EVC: variants seen among roughly 807,000 people sequenced by gnomAD.
The protein encoded by EVC is EvC ciliary complex subunit 1.
A neutral mutation model predicts 118.9 loss-of-function variants in EVC; 116 were observed. That is an observed-to-expected ratio of 0.98 (90% confidence interval 0.84 to 1.14). The LOEUF (loss-of-function observed/expected upper bound fraction) is 1.14, where lower values mean the gene tolerates loss of function less well. EVC is among the 50% of genes most tolerant of loss of function. EVC has a pLI of 0.00. For missense variants in EVC, 1,401 were observed against 1,246.4 expected (o/e 1.12, Z -1.87); for synonymous variants, 619 against 534.7 (o/e 1.16, Z -2.18).
In EVC at chr4:5,789,049, T is replaced by C. The variant is rs534342767; in HGVS notation, c.1777-4559T>C. Among the ~76,000 whole-genome samples the C allele has an allele frequency of 2.0e-5, 3 of 152,334 alleles. No individual in the cohort carries two copies. In the South Asian group the frequency reaches 6.2e-4, roughly 32 times the overall value. ...AATTTTTAGGATACATATTTAAAAA[T>C]ATTTTAACATCCCTGAAATCAAGAT... On this transcript the variant is annotated intron_variant, in intron 12 of 20. Transcript: ENST00000264956. This position sits in a 1 kb window ranked among gnomAD's most constrained non-coding sequence, Gnocchi z 4.3.
chr4:5,748,051 G>C, intron 7 of EVC, 97 bp from the exon 8 acceptor site: 2 of 1,298,804 alleles, frequency 1.5e-6, no homozygotes, highest in Non-Finnish European at 2.2e-6. Context: ...ATCTTTGTTT[G>C]TGATAGGGAG....
At chr4:5,800,789 A>AG (rs768613296) in intron 15 of EVC, among the ~76,000 whole-genome samples, 13 of 152,188 alleles carry the variant, frequency 8.5e-5, no homozygotes, top group Non-Finnish European at 1.6e-4. Context: ...CTCGGGAGTT[A>AG]GAAGACCAGC....
Position 5,809,604 on chromosome 4 carries a change from G to C in EVC, c.2775G>C (p.Gly925=), listed in dbSNP as rs747433971. Residue 925 remains glycine (G), a synonymous_variant, in exon 19 of 21, where the codon GGG becomes GGC. Transcript: ENST00000264956. The part of the protein sequence containing the change: ...AESKLLPAKR[G]LLEKPLRTKR... ...GCAAACTGTTGCCTGCTAAGCGTGG[G>C]CTGCTAGGTGAGTCACAGATGCTTG... 8.1e-6 allele frequency: 13 copies of C among 1,613,988 alleles called. No homozygotes were observed. In the African/African-American group the frequency reaches 1.2e-4, roughly 15 times the overall value.
chr4:5,724,392 C>T (rs1448911831), intron 2 of EVC, among the ~76,000 whole-genome samples: 2 of 152,186 alleles, frequency 1.3e-5, no homozygotes, highest in Non-Finnish European at 2.9e-5. Context: ...TTTCTGAACA[C>T]GGTGAAGCCA....
the EVC span, chr4:5,825,119 C>T: frequency 9.1e-4 from 899 of 985,292 alleles, 3 homozygotes; most frequent in Non-Finnish European, 1.0e-3. This position sits in a 1 kb window ranked among gnomAD's most constrained non-coding sequence, Gnocchi z 4.4. Flanking sequence ...TTACACAGAG[C>T]ACATGCCCTG....
intron 11 of EVC, among the ~76,000 whole-genome samples, chr4:5,782,289 G>A (rs576053263): frequency 6.6e-6 from 1 of 151,402 alleles, no homozygotes; most frequent in African/African-American, 2.4e-5. Flanking sequence ...TGGCCAGGCT[G>A]GTCTCCAACT....
At chr4:5,817,428 G>A (rs570846491), downstream of EVC, among the ~76,000 whole-genome samples, 28 of 152,330 alleles carry the variant, frequency 1.8e-4, no homozygotes, top group Admixed American at 8.5e-4. Context: ...GACTCTGGAC[G>A]CACAGCCATG....
chr4:5,716,259 G>T (rs558921783), intron 1 of EVC, among the ~76,000 whole-genome samples: 1 of 152,382 alleles, frequency 6.6e-6, no homozygotes, highest in East Asian at 1.9e-4. Context: ...CAGGAAAGCA[G>T]AAGTTACAGG....
chr4:5,762,140 G>C (rs998809237), intron 11 of EVC, among the ~76,000 whole-genome samples: 1 of 134,996 alleles, frequency 7.4e-6, no homozygotes, highest in Non-Finnish European at 1.6e-5. Flanking sequence ...CTATGAGTGA[G>C]AATATGCGGT....
intron 2 of EVC, among the ~76,000 whole-genome samples, chr4:5,723,535 G>A (rs1192340949): frequency 6.6e-6 from 1 of 152,078 alleles, no homozygotes; most frequent in Non-Finnish European, 1.5e-5. Flanking sequence ...CCCCCTTGAA[G>A]GTCAACTCCT....
At position 5,783,688 on chromosome 4, in the gene EVC, G is replaced by A. The variant is rs1468759490; in HGVS notation, c.1700G>A (p.Trp567Ter). 1 of 1,614,022 alleles carries A rather than the reference G, an allele frequency of 6.2e-7. No homozygotes were observed. The highest frequency in any genetic ancestry group is 1.1e-5 in the South Asian group (1 of 91,058). ...CAGGAAGTCCAGGAGAACGCTGCCTGGCAGCTGGGGAAGTCAAATCGCTTC... is the reference window on the plus strand; with the variant it reads ...CAGGAAGTCCAGGAGAACGCTGCCTAGCAGCTGGGGAAGTCAAATCGCTTC... ...LRQEVQENAA[W>*]QLGKSNRFRR... The change falls in exon 12 of 21, where the codon TGG becomes TAG. Residue 567 changes from tryptophan (W) to a stop codon, truncating the protein, a stop_gained. Coordinates refer to ENST00000264956, the MANE Select transcript of EVC (RefSeq NM_153717.3). LOFTEE classifies it high-confidence loss of function.
At chr4:5,792,699 G>C (rs546586239) in intron 12 of EVC, among the ~76,000 whole-genome samples, 1 of 152,144 alleles carries the variant, frequency 6.6e-6, no homozygotes, top group Non-Finnish European at 1.5e-5. Context: ...TCTACAAACT[G>C]TCACAACTAT....
Position 5,804,785 on chromosome 4 carries a change from G to A in EVC, c.2505G>A (p.Ser835=), listed in dbSNP as rs115976359. ...LRKKQELSNP[S]SGSRTAGGAH... The stretch of plus-strand genomic sequence containing the variant: ...AAAAGCAAGAACTCAGCAACCCTTC[G>A]TCGGGCAGCAGGACGGCAGGTGGCG... The change falls in exon 17 of 21, where the codon TCG becomes TCA. Residue 835 remains serine, a synonymous_variant. Transcript: ENST00000264956. The A allele has an allele frequency of 0.013, 21,228 of 1,614,136 alleles. 252 individuals are homozygous for A. Among genetic ancestry groups the A allele is most frequent in the South Asian group, 0.045 (4,136 of 91,072 alleles).
chr4:5,723,673 G>A (rs9637544), intron 2 of EVC, among the ~76,000 whole-genome samples: 20,334 of 152,036 alleles, frequency 0.13, 1,774 homozygotes, highest in East Asian at 0.3. Context: ...TTGAGCAAAT[G>A]TGTCTCCCCT....
At position 5,743,642 on chromosome 4, in the gene EVC, T is replaced by C. The variant is rs1728940657; in HGVS notation, c.802-1562T>C. 6.6e-6 allele frequency among the ~76,000 whole-genome samples: 1 copy of C among 152,134 alleles called. No individual in the cohort carries two copies. The highest frequency in any genetic ancestry group is 1.5e-5 in the Non-Finnish European group (1 of 68,030). ...TTGGGAAGGAATGTTTCTTCTTTACTCCACTGGATTCCATGAGGAAGGATG... is the reference window on the plus strand; with the variant it reads ...TTGGGAAGGAATGTTTCTTCTTTACCCCACTGGATTCCATGAGGAAGGATG... On this transcript the variant is annotated intron_variant, in intron 6 of 20. Transcript: ENST00000264956. This position sits in a 1 kb window ranked among gnomAD's most constrained non-coding sequence, Gnocchi z 4.7.
At chr4:5,803,773 A>T (rs1715400152) in intron 16 of EVC, among the ~76,000 whole-genome samples, 1 of 152,230 alleles carries the variant, frequency 6.6e-6, no homozygotes, top group South Asian at 2.1e-4. Context: ...CTCCCAGCTA[A>T]TTAAGTGTGA....
rs1728748849 is a variant in EVC at position 5,742,478 on chromosome 4, A to G, written c.801+664A>G. ...TTGTATCACCATCACCACCACTATT[A>G]CTATCACAGTTCTCTTCTTCATCAT... On this transcript the variant is annotated intron_variant, in intron 6 of 20. Transcript: ENST00000264956. The surrounding 1 kb of genome is among the most constrained non-coding windows in gnomAD (Gnocchi z 5.2). Among the ~76,000 whole-genome samples, 1 of 151,886 alleles carries G rather than the reference A, an allele frequency of 6.6e-6. No individual in the cohort carries two copies. Among genetic ancestry groups the G allele is most frequent in the Non-Finnish European group, 1.5e-5 (1 of 67,970 alleles).
At chr4:5,739,152 A>G (rs767502050) in intron 5 of EVC, among the ~76,000 whole-genome samples, 4 of 152,310 alleles carry the variant, frequency 2.6e-5, no homozygotes, top group Middle Eastern at 3.4e-3. Context: ...ATCTATAACT[A>G]TCTCAAAGTT....
intron 17 of EVC, among the ~76,000 whole-genome samples, chr4:5,806,804 A>G (rs1469386559): frequency 1.3e-5 from 2 of 152,158 alleles, no homozygotes; most frequent in East Asian, 1.9e-4. Context: ...ATTCCCACCA[A>G]TGGTGCATAA....
Sources: allele counts gnomAD v4.1 joint callset (sites outside exome capture counted in the v4.1 genomes callset), GRCh38; gene constraint gnomAD v4.1.1; non-coding constraint Gnocchi (gnomAD v3.1); transcripts MANE v1.5; gene names NCBI Gene and HGNC (gene_info 2026-07-23, HGNC 2026-07-21).